Variants in PELI3 observed in about 807,000 individuals in gnomAD.
PELI3 encodes the protein pellino E3 ubiquitin protein ligase family member 3.
A neutral mutation model predicts 35.5 loss-of-function variants in PELI3; 19 were observed. The ratio of observed to expected loss-of-function variants is 0.54; its 90% CI spans 0.37 to 0.79. The LOEUF is 0.79. PELI3 is among the 30% of genes least tolerant of loss of function. The pLI is 0.00. For synonymous variants in PELI3, 262 were observed against 279.2 expected, an observed-to-expected ratio of 0.94 and a Z score of 0.62; for missense variants, 490 against 661.2, an observed-to-expected ratio of 0.74 and a Z score of 2.84.
rs780439573 is a variant in PELI3, at chr11:66,475,815, A to T, written c.1058A>T (p.Lys353Ile). 8 of 1,608,406 alleles carry T rather than the reference A, an allele frequency of 5.0e-6. 1 individual carries two copies. In the South Asian group the frequency reaches 8.8e-5, roughly 18 times the overall value. ...GCCCGTGGCCGCACAGCGCCCGACA[A>T]ACAGCAGCCCTGGGTCTACGTCCGC... Reference protein sequence around the residue: ...SPARGRTAPDKQQPWVYVRCG... With the variant: ...SPARGRTAPDIQQPWVYVRCG... The change falls in exon 8 of 8, where the codon AAA becomes ATA. Residue 353 changes from lysine (K) to isoleucine (I), a missense_variant. Physicochemically the swap from Lys to Ile is moderately radical, Grantham distance 102. Transcript: ENST00000320740.
At chr11:66,468,426 A>G in intron 2 of PELI3, 146 bp downstream of exon 2, 1 of 754,770 alleles carries the variant, frequency 1.3e-6, no homozygotes, top group Non-Finnish European at 1.9e-6. Flanking sequence ...AAATTGACCA[A>G]ACCCACCTCA....
rs371559639 is a variant in PELI3, at chr11:66,475,589, C to T, written c.841-9C>T. Reference sequence around the variant, plus strand: ...TTGGGCAGTAAGGCCCTTCTACTGCCTCTGGCAGGTGGAAAACGAGTCCAA... The same window carrying T: ...TTGGGCAGTAAGGCCCTTCTACTGCTTCTGGCAGGTGGAAAACGAGTCCAA... On this transcript the variant is annotated splice_polypyrimidine_tract_variant and intron_variant, in intron 7 of 7. Transcript: ENST00000320740. The T allele has an allele frequency of 9.4e-5, 152 of 1,611,658 alleles. No homozygotes were observed. Among genetic ancestry groups the T allele is most frequent in the Middle Eastern group, 4.9e-4 (3 of 6,064 alleles).
chr11:66,471,214 C>T (rs1854703246), intron 3 of PELI3, 28 bp from the exon 4 acceptor site: 2 of 1,596,712 alleles, frequency 1.3e-6, no homozygotes, highest in Non-Finnish European at 1.7e-6. Context: ...TCTTGCAACC[C>T]CTTCTTCTTA....
intron 7 of PELI3, chr11:66,474,187 A>C (rs1854823465): frequency 1.5e-6 from 1 of 654,594 alleles, no homozygotes; most frequent in Admixed American, 2.7e-5. Context: ...ACACACAGAC[A>C]TACTGTGCAG....
intron 3 of PELI3, 134 bp from the exon 4 acceptor site, chr11:66,471,108 C>G: frequency 8.3e-7 from 1 of 1,211,870 alleles, no homozygotes; most frequent in Non-Finnish European, 1.2e-6. Flanking sequence ...GTTTCAGGTG[C>G]TTGTAGAGCT....
At chr11:66,468,385 T>C (rs1199120074) in intron 2 of PELI3, 105 bp downstream of exon 2, 7 of 1,167,692 alleles carry the variant, frequency 6.0e-6, no homozygotes, top group Non-Finnish European at 6.8e-6. Context: ...TTCAGCTGTT[T>C]GTCCCTCCTC....
chr11:66,468,184 A>T lies in PELI3; in HGVS notation c.56A>T (p.His19Leu). Residue 19 changes from histidine (H) to leucine (L), a missense_variant, in exon 2 of 8, where the codon CAC becomes CTC. Coordinates refer to ENST00000320740, the MANE Select transcript of PELI3 (RefSeq NM_145065.3). Reference protein sequence around the residue: ...VGSPRTSDLQHRGNKGSCVLS... With the variant: ...VGSPRTSDLQLRGNKGSCVLS... ...TCCCCCCGAACCTCAGACCTCCAGC[A>T]CCGGGGGAACAAGGGCTCTTGCGTT... The T allele has an allele frequency of 6.2e-7, 1 of 1,608,188 alleles. No homozygotes were observed. The highest frequency in any genetic ancestry group is 8.5e-7 in the Non-Finnish European group (1 of 1,176,926).
At chr11:66,474,088 C>A in intron 7 of PELI3, 163 bp downstream of exon 7, 1 of 886,788 alleles carries the variant, frequency 1.1e-6, no homozygotes, top group Non-Finnish European at 1.8e-6. Context: ...TTAGCATGAG[C>A]CACTTGTCCC....
chr11:66,470,028 G>A (rs1381854560), intron 3 of PELI3, among the ~76,000 whole-genome samples: 1 of 152,056 alleles, frequency 6.6e-6, no homozygotes, highest in African/African-American at 2.4e-5. Context: ...TTGAACTCCT[G>A]ACCTCAAGTG....
chr11:66,471,517 C>G (rs1854715791), intron 4 of PELI3, 146 bp downstream of exon 4: 1 of 1,180,662 alleles, frequency 8.5e-7, no homozygotes, highest in Non-Finnish European at 1.2e-6. Flanking sequence ...ATTGGGCCAT[C>G]CGAGAATGGT....
In PELI3 at chr11:66,467,637, CAG is replaced by C. The variant is rs1194688779; in HGVS notation, c.-1-486_-1-485del. 1.3e-5 allele frequency: 2 copies of C among 153,870 alleles called. No homozygotes were observed. Among genetic ancestry groups the C allele is most frequent in the African/African-American group, 4.8e-5 (2 of 41,418 alleles). The allele number at this position is 153,870 out of a possible 1,614,324, so 9.5% of individuals were successfully genotyped here. On this transcript the variant is annotated intron_variant, in intron 1 of 7. Transcript: ENST00000320740. This position sits in a 1 kb window ranked among gnomAD's most constrained non-coding sequence, Gnocchi z 4.2. ...GCAAAAAGGACAGCGGCTGGGAGGA[CAG>C]AGAGTCATTGAGAAAGCAGATGGAC...
chr11:66,475,774 G>C lies in PELI3; in HGVS notation c.1017G>C (p.Leu339=). 1 of 1,610,210 alleles carries C rather than the reference G, an allele frequency of 6.2e-7. No individual in the cohort carries two copies. The stretch of plus-strand genomic sequence containing the variant: ...AGTGCCCCGTGGGCCTCAGCACTCT[G>C]GCCTTCCCCAGCCCAGCCCGTGGCC... ...RPQCPVGLST[L]AFPSPARGRT... The change falls in exon 8 of 8, where the codon CTG becomes CTC. Residue 339 remains leucine, a synonymous_variant. Transcript: ENST00000320740.
intron 7 of PELI3, 27 bp from the exon 8 acceptor site, chr11:66,475,571 G>A: frequency 6.2e-7 from 1 of 1,607,456 alleles, no homozygotes. Flanking sequence ...CTCTTGGGCA[G>A]TAAGGCCCTT....
At chr11:66,468,321 C>A (rs769798328) in intron 2 of PELI3, 41 bp downstream of exon 2, 1 of 1,413,112 alleles carries the variant, frequency 7.1e-7, no homozygotes. Flanking sequence ...CACCAGACAC[C>A]CACCCAACGC....
rs769465704 is a variant in PELI3 at position 66,473,462 on chromosome 11, C to T, written c.651+27C>T. On this transcript the variant is annotated intron_variant, in intron 6 of 7. Coordinates refer to ENST00000320740, the MANE Select transcript of PELI3 (RefSeq NM_145065.3). This position sits in a 1 kb window ranked among gnomAD's most constrained non-coding sequence, Gnocchi z 5.8. ...TGAGTGAGCCCCAGGAAGGGACCAACTCTTCATCTGTGAGGCAAGGGGTAG... is the reference window on the plus strand; with the variant it reads ...TGAGTGAGCCCCAGGAAGGGACCAATTCTTCATCTGTGAGGCAAGGGGTAG... 2 of 1,589,608 alleles carry T rather than the reference C, an allele frequency of 1.3e-6. No individual in the cohort carries two copies. Among genetic ancestry groups the T allele is most frequent in the African/African-American group, 2.7e-5 (2 of 74,444 alleles).
intron 3 of PELI3, among the ~76,000 whole-genome samples, chr11:66,470,051 C>G (rs1011670445): frequency 6.6e-6 from 1 of 152,100 alleles, no homozygotes; most frequent in Non-Finnish European, 1.5e-5. Flanking sequence ...CTGCCTGCCT[C>G]GGTCTCCCAA....
chr11:66,473,169 A>G lies in PELI3; in HGVS notation c.457-72A>G. On this transcript the variant is annotated intron_variant, in intron 5 of 7. Transcript: ENST00000320740. This position sits in a 1 kb window ranked among gnomAD's most constrained non-coding sequence, Gnocchi z 5.8. ...CCTTGCATACAGAGCAGCTGCTGGT[A>G]CTCTGGGAGGGAAGGCCCATGAGAG... The G allele has an allele frequency of 1.4e-6, 2 of 1,411,184 alleles. No homozygotes were observed. Among genetic ancestry groups the G allele is most frequent in the African/African-American group, 1.4e-5 (1 of 69,714 alleles). The allele number at this position is 1,411,184 out of a possible 1,614,324, so 87.4% of individuals were successfully genotyped here. A position where few individuals can be genotyped will look rare whatever the true frequency, so the allele number is the denominator to read the frequency against.
rs1335953510 is a variant in PELI3 at position 66,476,506 on chromosome 11, C to T, written c.*339C>T. ...TGAAGGGGCCAGGGGCCTTTGACCC[C>T]CAGCTTAGGCTGGCTATGCCCTGAG... On this transcript the variant is annotated 3_prime_UTR_variant, in exon 8 of 8. Coordinates refer to ENST00000320740, the MANE Select transcript of PELI3 (RefSeq NM_145065.3). The T allele has an allele frequency of 3.1e-6, 1 of 324,026 alleles. No individual in the cohort carries two copies. Among genetic ancestry groups the T allele is most frequent in the Non-Finnish European group, 5.7e-6 (1 of 174,378 alleles). The allele number at this position is 324,026 out of a possible 1,614,324, so 20.1% of individuals were successfully genotyped here.
In PELI3 at chr11:66,467,467, CAG is replaced by C. The variant is rs1854575088; in HGVS notation, c.-2+442_-2+443del. On this transcript the variant is annotated intron_variant, in intron 1 of 7. Coordinates refer to ENST00000320740, the MANE Select transcript of PELI3 (RefSeq NM_145065.3). The surrounding 1 kb of genome is among the most constrained non-coding windows in gnomAD (Gnocchi z 4.2). Reference sequence around the variant, plus strand: ...AGACCCGGGCGGCTGGGGACGCAGACAGACACCTGAGGGAGGGAAGAGCGCGC... The same window carrying C: ...AGACCCGGGCGGCTGGGGACGCAGACACACCTGAGGGAGGGAAGAGCGCGC... The C allele has an allele frequency of 6.6e-6, 1 of 152,246 alleles. No homozygotes were observed. The highest frequency in any genetic ancestry group is 2.4e-5 in the African/African-American group (1 of 41,398). The allele number at this position is 152,246 out of a possible 1,614,324, so 9.4% of individuals were successfully genotyped here. A position where few individuals can be genotyped will look rare whatever the true frequency, so the allele number is the denominator to read the frequency against.
Sources: allele counts gnomAD v4.1 joint callset (sites outside exome capture counted in the v4.1 genomes callset), GRCh38; gene constraint gnomAD v4.1.1; non-coding constraint Gnocchi (gnomAD v3.1); transcripts MANE v1.5; gene names NCBI Gene and HGNC (gene_info 2026-07-23, HGNC 2026-07-21).